Variants in MAGI3 observed in about 807,000 individuals in gnomAD.
MAGI3 encodes the protein membrane associated guanylate kinase, WW and PDZ domain containing 3.
Under a neutral mutation model 121.8 loss-of-function variants are expected in MAGI3, and 43 were observed. That is an observed-to-expected ratio of 0.35 (90% CI 0.28 to 0.46). MAGI3 has a LOEUF of 0.46. Ranked by LOEUF, MAGI3 falls within the 20% of genes least tolerant of loss-of-function variation. The probability of loss-of-function intolerance (pLI) is 1.00; values close to 1 mark genes in which losing one functional copy is unlikely to be tolerated. For synonymous variants in MAGI3, 553 were observed against 639.3 expected (o/e 0.86, Z 2.04); for missense variants, 1,547 against 1,797.3 (o/e 0.86, Z 2.52).
intron 1 of MAGI3, among the ~76,000 whole-genome samples, chr1:113,429,083 A>G (rs1366197197): frequency 6.6e-6 from 1 of 152,188 alleles, no homozygotes. Context: ...TCACTTTATC[A>G]TAAATCAGAG....
intron 6 of MAGI3, among the ~76,000 whole-genome samples, chr1:113,604,271 A>G (rs1432294457): frequency 6.6e-6 from 1 of 152,118 alleles, no homozygotes; most frequent in Admixed American, 6.6e-5. Context: ...ATGAGTGGAT[A>G]AATAAAATGT....
At chr1:113,474,518 G>A (rs541493581) in intron 1 of MAGI3, among the ~76,000 whole-genome samples, 17 of 152,258 alleles carry the variant, frequency 1.1e-4, no homozygotes, top group African/African-American at 3.6e-4. Context: ...TATTACATAG[G>A]GAATCCTATC....
chr1:113,432,167 C>T (rs761709946), intron 1 of MAGI3, among the ~76,000 whole-genome samples: 2 of 152,212 alleles, frequency 1.3e-5, no homozygotes, highest in Non-Finnish European at 2.9e-5. Context: ...GGAATCTCTA[C>T]TTCCCACCCT....
intron 1 of MAGI3, among the ~76,000 whole-genome samples, chr1:113,459,584 C>T (rs1003622536): frequency 3.1e-4 from 47 of 152,290 alleles, no homozygotes; most frequent in Admixed American, 1.8e-3. Context: ...TCTGAAGATT[C>T]ATAACCTGAG....
At chr1:113,548,545 C>T (rs768684395) in intron 1 of MAGI3, among the ~76,000 whole-genome samples, 2 of 152,104 alleles carry the variant, frequency 1.3e-5, no homozygotes, top group East Asian at 1.9e-4. Context: ...TTGGCCTTTT[C>T]GAAGATCAGA....
chr1:113,437,857 CTTCTTCCTCTTCTTCTT>C lies in MAGI3; in HGVS notation c.316+46509_316+46525del, dbSNP rs1557757026. ...TCTTCTTCTTCTTCTTCTTCTTCTTCTTCTTCCTCTTCTTCTTCTTCTCCTTCTCCTTCTCCTTCTCC... is the reference window on the plus strand; with the variant it reads ...TCTTCTTCTTCTTCTTCTTCTTCTTCCTTCTCCTTCTCCTTCTCCTTCTCC... On this transcript the variant is annotated intron_variant, in intron 1 of 20. Coordinates refer to ENST00000307546, the MANE Select transcript of MAGI3 (RefSeq NM_001142782.2). Among the ~76,000 whole-genome samples the C allele has an allele frequency of 8.3e-3, 406 of 48,854 alleles. 18 individuals carry two copies. Among genetic ancestry groups the C allele is most frequent in the South Asian group, 0.018 (19 of 1,084 alleles). 32.1% of individuals were successfully genotyped at this position (48,854 alleles called of 152,430 possible). A position where few individuals can be genotyped will look rare whatever the true frequency, so the allele number is the denominator to read the frequency against.
At chr1:113,424,465 CAA>C (rs1225127698) in intron 1 of MAGI3, among the ~76,000 whole-genome samples, 1 of 152,114 alleles carries the variant, frequency 6.6e-6, no homozygotes, top group African/African-American at 2.4e-5. Context: ...TGGGCAAAAA[CAA>C]GAGCAGTCCA....
intron 6 of MAGI3, among the ~76,000 whole-genome samples, chr1:113,610,214 A>G (rs915413959): frequency 5.3e-5 from 8 of 152,004 alleles, no homozygotes; most frequent in African/African-American, 1.9e-4. Context: ...GCTCACTGCA[A>G]GCTCCGCCTC....
chr1:113,416,382 TAA>T (rs1491488943), intron 1 of MAGI3, among the ~76,000 whole-genome samples: 10 of 89,904 alleles, frequency 1.1e-4, no homozygotes, highest in South Asian at 3.9e-4. Flanking sequence ...AATATATTAA[TAA>T]TATATATTAA....
chr1:113,421,393 T>C (rs1234554621), intron 1 of MAGI3, among the ~76,000 whole-genome samples: 1 of 152,220 alleles, frequency 6.6e-6, no homozygotes, highest in Non-Finnish European at 1.5e-5. Context: ...AGAAAGGGCT[T>C]TGACAAGTTG....
chr1:113,668,624 G>A (rs112829103), intron 16 of MAGI3, among the ~76,000 whole-genome samples: 14,819 of 129,634 alleles, frequency 0.11, 983 homozygotes, highest in East Asian at 0.2. Flanking sequence ...CGCCCAGGCC[G>A]GACTGCGGAC....
chr1:113,433,435 A>T (rs1653405447), intron 1 of MAGI3, among the ~76,000 whole-genome samples: 1 of 152,192 alleles, frequency 6.6e-6, no homozygotes, highest in Admixed American at 6.5e-5. Flanking sequence ...ATTTGAAGGG[A>T]TTAACATTTG....
intron 9 of MAGI3, among the ~76,000 whole-genome samples, chr1:113,638,280 C>T (rs926571263): frequency 2.6e-5 from 4 of 152,334 alleles, no homozygotes; most frequent in South Asian, 2.1e-4. Context: ...TGAGGAACTG[C>T]GTTCCTTTGG....
chr1:113,625,961 GT>G (rs1237358900), intron 9 of MAGI3, among the ~76,000 whole-genome samples: 1 of 151,686 alleles, frequency 6.6e-6, no homozygotes, highest in Non-Finnish European at 1.5e-5. Flanking sequence ...TAGTTTTTTT[GT>G]TTTTGTTTTG....
At chr1:113,426,795 T>G (rs11102629) in intron 1 of MAGI3, among the ~76,000 whole-genome samples, 7,898 of 152,226 alleles carry the variant, frequency 0.052, 246 homozygotes, top group Non-Finnish European at 0.074. Context: ...ACCAAGTTCT[T>G]GTAGACAGCC....
chr1:113,407,419 T>C (rs1163261041), intron 1 of MAGI3, among the ~76,000 whole-genome samples: 1 of 152,132 alleles, frequency 6.6e-6, no homozygotes, highest in Non-Finnish European at 1.5e-5. Flanking sequence ...CTGGTGGTGG[T>C]ACTATTTCCA....
At chr1:113,554,449 CT>C (rs1044786533) in intron 2 of MAGI3, among the ~76,000 whole-genome samples, 63 of 144,366 alleles carry the variant, frequency 4.4e-4, no homozygotes, top group Middle Eastern at 3.5e-3. Flanking sequence ...AAAAAGTGAA[CT>C]TTTTTTTTTT....
intron 9 of MAGI3, among the ~76,000 whole-genome samples, chr1:113,641,112 ATATAT>A (rs1652499173): frequency 1.1e-5 from 1 of 90,074 alleles, no homozygotes; most frequent in Non-Finnish European, 2.4e-5. Flanking sequence ...ATATATAAAT[ATATAT>A]GAGATATATA....
intron 3 of MAGI3, 100 bp downstream of exon 3, chr1:113,580,761 A>C (rs1647970822): frequency 8.4e-7 from 1 of 1,197,272 alleles, no homozygotes; most frequent in Non-Finnish European, 1.1e-6. Context: ...TTTTTGAAAA[A>C]CTTTTTTTCC....
Sources: allele counts gnomAD v4.1 joint callset (sites outside exome capture counted in the v4.1 genomes callset), GRCh38; gene constraint gnomAD v4.1.1; transcripts MANE v1.5; gene names NCBI Gene and HGNC (gene_info 2026-07-23, HGNC 2026-07-21).